SLC4A5: variants seen among roughly 807,000 people sequenced by gnomAD.
SLC4A5 encodes the protein solute carrier family 4 member 5.
A neutral mutation model predicts 120.4 loss-of-function variants in SLC4A5; 96 were observed. The observed-to-expected ratio is 0.80, with a 90% CI of 0.68 to 0.94. SLC4A5 has a LOEUF of 0.94. SLC4A5 is among the 40% of genes least tolerant of loss of function. The pLI is 0.00. For synonymous variants in SLC4A5, 550 were observed against 571.1 expected (o/e 0.96, Z 0.53); for missense variants, 1,259 against 1,459.5 (o/e 0.86, Z 2.24).
chr2:74,313,445 T>C (rs749933546), intron 6 of SLC4A5, among the ~76,000 whole-genome samples: 1 of 152,232 alleles, frequency 6.6e-6, no homozygotes, highest in Non-Finnish European at 1.5e-5. Flanking sequence ...TTTATGAGTC[T>C]ACTCTGGTTG....
At chr2:74,271,020 T>G (rs1043251334) in intron 8 of SLC4A5, among the ~76,000 whole-genome samples, 1 of 152,220 alleles carries the variant, frequency 6.6e-6, no homozygotes, top group Non-Finnish European at 1.5e-5. Flanking sequence ...ACAGTACATA[T>G]TCTACTACAC....
chr2:74,318,253 A>T (rs978351185), intron 5 of SLC4A5, among the ~76,000 whole-genome samples: 14 of 152,356 alleles, frequency 9.2e-5, no homozygotes, highest in African/African-American at 3.4e-4. Flanking sequence ...GGCAAAGGAC[A>T]TGAACAGATA....
At position 74,307,552 on chromosome 2, in the gene SLC4A5, C is replaced by T. The variant is rs548597361; in HGVS notation, c.80-2872G>A. On this transcript the variant is annotated intron_variant, in intron 6 of 30. Transcript: ENST00000394019. The stretch of plus-strand genomic sequence containing the variant: ...TCATTGGCAGCAAGATGGGCACTGT[C>T]GATCTGCACAATGTGGGCATTGTCC... 1.5e-4 allele frequency: 96 copies of T among 641,646 alleles called. 1 individual carries two copies. The highest frequency in any genetic ancestry group is 1.2e-3 in the South Asian group (84 of 72,154). The allele number at this position is 641,646 out of a possible 1,614,324, so 39.7% of individuals were successfully genotyped here. A position where few individuals can be genotyped will look rare whatever the true frequency, so the allele number is the denominator to read the frequency against.
In SLC4A5 at chr2:74,267,142, A is replaced by G. The variant is rs146865391; in HGVS notation, c.402-1878T>C. ...ACATTCTTCATTTTTTAATACTGGC[A>G]AAAGTTAAAAAGATTGACAACTTCC... On this transcript the variant is annotated intron_variant, in intron 8 of 30. Transcript: ENST00000394019. Among the ~76,000 whole-genome samples, 1,114 of 152,344 alleles carry G rather than the reference A, an allele frequency of 7.3e-3. 8 individuals carry two copies. Among genetic ancestry groups the G allele is most frequent in the African/African-American group, 0.025 (1,055 of 41,574 alleles).
At chr2:74,236,074 G>A (rs936168568) in intron 21 of SLC4A5, among the ~76,000 whole-genome samples, 1 of 152,224 alleles carries the variant, frequency 6.6e-6, no homozygotes, top group South Asian at 2.1e-4. Context: ...CCACATAGTG[G>A]AAAATACTTA....
intron 21 of SLC4A5, 65 bp downstream of exon 21, chr2:74,239,270 C>A (rs977055807): frequency 9.2e-6 from 14 of 1,513,724 alleles, no homozygotes; most frequent in South Asian, 2.3e-5. Context: ...TGGACCAGAA[C>A]CCTCTCTGGG....
intron 8 of SLC4A5, among the ~76,000 whole-genome samples, chr2:74,282,589 C>A (rs1671847642): frequency 6.6e-6 from 1 of 152,240 alleles, no homozygotes; most frequent in Non-Finnish European, 1.5e-5. Flanking sequence ...GAAACATCCT[C>A]ATCTACAGTT....
chr2:74,289,114 T>C (rs1553457072), intron 7 of SLC4A5, among the ~76,000 whole-genome samples: 2 of 152,194 alleles, frequency 1.3e-5, no homozygotes, highest in Non-Finnish European at 1.5e-5. Flanking sequence ...TTTAATCCCA[T>C]TCCCTATGTA....
intron 4 of SLC4A5, among the ~76,000 whole-genome samples, chr2:74,330,886 G>C (rs1274514302): frequency 0.077 from 2,868 of 37,236 alleles, 16 homozygotes; most frequent in Non-Finnish European, 0.091. Context: ...GTGAGGTCTA[G>C]ATGTGGGTGG....
At chr2:74,254,930 C>G (rs768127679) in intron 13 of SLC4A5, among the ~76,000 whole-genome samples, 76 of 151,994 alleles carry the variant, frequency 5.0e-4, no homozygotes, top group Non-Finnish European at 5.3e-4. Context: ...AGTGATCCTC[C>G]CACCTCAGCC....
chr2:74,316,468 G>A (rs73948760), intron 5 of SLC4A5, among the ~76,000 whole-genome samples: 4,913 of 152,082 alleles, frequency 0.032, 276 homozygotes, highest in African/African-American at 0.11. Flanking sequence ...AGGATAGGAG[G>A]TCAGACACAC....
At chr2:74,328,036 C>T in intron 5 of SLC4A5, 84 bp downstream of exon 5, 1 of 704,232 alleles carries the variant, frequency 1.4e-6, no homozygotes, top group South Asian at 6.4e-5. Context: ...CTCTTAAATA[C>T]TCTGTGTTCA....
chr2:74,228,933 G>A (rs1694953409), intron 25 of SLC4A5, among the ~76,000 whole-genome samples: 1 of 151,958 alleles, frequency 6.6e-6, no homozygotes, highest in African/African-American at 2.4e-5. Context: ...AGCTGTTTCT[G>A]CCCCTTACCT....
At chr2:74,252,563 G>C (rs1345113416) in intron 15 of SLC4A5, among the ~76,000 whole-genome samples, 175 bp from the exon 16 acceptor site, 3 of 152,200 alleles carry the variant, frequency 2.0e-5, no homozygotes, top group Admixed American at 6.5e-5. Context: ...ATTTGTTTCT[G>C]ATATATCTTA....
At chr2:74,217,315 G>A (rs1694475393) in exon 31 of SLC4A5, 4 of 152,170 alleles carry the variant, frequency 2.6e-5, no homozygotes, top group Admixed American at 2.6e-4. Context: ...AATCAACATG[G>A]TTGGTGTTCA....
At chr2:74,312,955 T>C (rs1026293982) in intron 6 of SLC4A5, among the ~76,000 whole-genome samples, 4 of 151,756 alleles carry the variant, frequency 2.6e-5, no homozygotes, top group Non-Finnish European at 4.4e-5. Flanking sequence ...AAAGTGATTA[T>C]TGAGATCAGT....
chr2:74,329,231 T>C (rs1673290444), intron 4 of SLC4A5, among the ~76,000 whole-genome samples: 1 of 152,170 alleles, frequency 6.6e-6, no homozygotes, highest in Admixed American at 6.5e-5. Flanking sequence ...TGATGAGGTA[T>C]AAATGGAGAT....
exon 31 of SLC4A5, chr2:74,216,858 C>T (rs545972165): frequency 2.0e-5 from 3 of 152,236 alleles, no homozygotes; most frequent in African/African-American, 7.2e-5. Context: ...ATTCCCCCCA[C>T]CTCTGCCTCC....
chr2:74,260,402 C>T (rs1304332615), intron 11 of SLC4A5, among the ~76,000 whole-genome samples: 2 of 152,062 alleles, frequency 1.3e-5, no homozygotes, highest in African/African-American at 2.4e-5. Context: ...TCAGCCTCTC[C>T]GCTGGTCAAT....
Sources: allele counts gnomAD v4.1 joint callset (sites outside exome capture counted in the v4.1 genomes callset), GRCh38; gene constraint gnomAD v4.1.1; transcripts MANE v1.5; gene names NCBI Gene and HGNC (gene_info 2026-07-23, HGNC 2026-07-21).